Variants in NRG1 observed in about 807,000 individuals in gnomAD.
NRG1 encodes pro-neuregulin-1, membrane-bound isoform.
In NRG1, 18 loss-of-function variants were observed where a neutral mutation model predicts 63.8. The ratio of observed to expected loss-of-function variants is 0.28; its 90% CI spans 0.19 to 0.42. The LOEUF is 0.42. Ranked by LOEUF, NRG1 falls within the 10% of genes least tolerant of loss-of-function variation. The probability of loss-of-function intolerance (pLI) is 1.00; values close to 1 mark genes in which losing one functional copy is unlikely to be tolerated. For missense variants in NRG1, 762 were observed against 814.7 expected (o/e 0.94, Z 0.79); for synonymous variants, 302 against 301.3 (o/e 1.00, Z -0.02).
intron 1 of NRG1, among the ~76,000 whole-genome samples, chr8:31,952,111 A>C (rs1586021843): frequency 6.6e-6 from 1 of 152,184 alleles, no homozygotes; most frequent in Non-Finnish European, 1.5e-5. Context: ...TGGTCAGTGG[A>C]TTCTCAGGAG....
intron 1 of NRG1, among the ~76,000 whole-genome samples, chr8:32,418,625 G>T (rs558217312): frequency 6.6e-6 from 1 of 152,098 alleles, no homozygotes; most frequent in African/African-American, 2.4e-5. Context: ...GTATTAAAAT[G>T]ATAAGTCTAT....
chr8:31,681,118 G>A (rs1016750451), intron 1 of NRG1, among the ~76,000 whole-genome samples: 5 of 151,666 alleles, frequency 3.3e-5, no homozygotes, highest in Admixed American at 2.0e-4. Flanking sequence ...TAACTAAGTG[G>A]AGAAAAAAAA....
At chr8:32,385,235 C>T (rs2129483594) in intron 1 of NRG1, among the ~76,000 whole-genome samples, 1 of 152,096 alleles carries the variant, frequency 6.6e-6, no homozygotes, top group African/African-American at 2.4e-5. Flanking sequence ...ACCATGTTAG[C>T]CAGGATCGTC....
At chr8:32,331,067 A>G (rs2129477573) in intron 1 of NRG1, among the ~76,000 whole-genome samples, 1 of 152,150 alleles carries the variant, frequency 6.6e-6, no homozygotes, top group African/African-American at 2.4e-5. Flanking sequence ...ACCCTGTGAC[A>G]ATTCCTTTTG....
intron 1 of NRG1, among the ~76,000 whole-genome samples, chr8:31,864,632 A>G (rs1366881249): frequency 6.6e-6 from 1 of 152,162 alleles, no homozygotes; most frequent in Non-Finnish European, 1.5e-5. Context: ...GGCAGTACAA[A>G]ATAAGAATGA....
intron 1 of NRG1, among the ~76,000 whole-genome samples, chr8:31,770,748 C>G (rs1818537904): frequency 7.0e-6 from 1 of 142,802 alleles, no homozygotes; most frequent in Admixed American, 7.4e-5. Context: ...CACATGTACC[C>G]TAGAACTTAA....
intron 1 of NRG1, among the ~76,000 whole-genome samples, chr8:31,927,215 A>G (rs972379924): frequency 3.9e-5 from 6 of 152,050 alleles, no homozygotes; most frequent in Non-Finnish European, 8.8e-5. Flanking sequence ...GCTGAGATGA[A>G]TTCTGATCCC....
intron 1 of NRG1, among the ~76,000 whole-genome samples, chr8:32,449,678 C>T (rs984771359): frequency 6.6e-6 from 1 of 152,116 alleles, no homozygotes; most frequent in African/African-American, 2.4e-5. Flanking sequence ...AACATGAAAG[C>T]AGAGTGGAAA....
chr8:31,714,309 T>A (rs1002817443), intron 1 of NRG1, among the ~76,000 whole-genome samples: 1 of 152,184 alleles, frequency 6.6e-6, no homozygotes, highest in Non-Finnish European at 1.5e-5. Flanking sequence ...CATTTTGGGA[T>A]AATTTTATTT....
chr8:32,560,277 C>T (rs1836132579), intron 1 of NRG1, among the ~76,000 whole-genome samples: 1 of 151,522 alleles, frequency 6.6e-6, no homozygotes, highest in Non-Finnish European at 1.5e-5. Context: ...TTTATTTTGG[C>T]ACTCATGTAT....
At chr8:32,042,471 G>A (rs528704349) in intron 1 of NRG1, among the ~76,000 whole-genome samples, 109 of 151,832 alleles carry the variant, frequency 7.2e-4, no homozygotes, top group Middle Eastern at 6.8e-3. Flanking sequence ...ACAAGACTTA[G>A]AGTCTCATAA....
intron 1 of NRG1, among the ~76,000 whole-genome samples, chr8:32,464,994 G>A (rs1376914685): frequency 6.6e-6 from 1 of 152,112 alleles, no homozygotes; most frequent in Non-Finnish European, 1.5e-5. Flanking sequence ...GGCCCACATG[G>A]TGAAAACCCG....
intron 1 of NRG1, among the ~76,000 whole-genome samples, chr8:32,158,448 G>GAGATATATATATATATATATATAT (rs1554641400): frequency 4.8e-5 from 3 of 62,194 alleles, no homozygotes; most frequent in African/African-American, 8.1e-5. Flanking sequence ...TGGTTTACAT[G>GAGATATATATATATATATATATAT]ATATATATAT....
At chr8:31,794,876 C>A (rs990055371) in intron 1 of NRG1, among the ~76,000 whole-genome samples, 18 of 152,218 alleles carry the variant, frequency 1.2e-4, no homozygotes, top group Non-Finnish European at 1.5e-5. Context: ...AATCTCAGCT[C>A]CCTGCAACCT....
chr8:31,736,490 T>C (rs1814678258), intron 1 of NRG1, among the ~76,000 whole-genome samples: 1 of 152,134 alleles, frequency 6.6e-6, no homozygotes, highest in African/African-American at 2.4e-5. Flanking sequence ...ATGATTATAT[T>C]TGAATGAATA....
intron 1 of NRG1, among the ~76,000 whole-genome samples, chr8:32,096,280 C>T (rs1242975154): frequency 6.6e-6 from 1 of 152,106 alleles, no homozygotes; most frequent in Admixed American, 6.6e-5. Context: ...CCAGATGTGG[C>T]TATTTTAAAA....
intron 1 of NRG1, among the ~76,000 whole-genome samples, chr8:31,995,270 T>C (rs539483221): frequency 5.1e-4 from 77 of 152,134 alleles, no homozygotes; most frequent in African/African-American, 1.7e-3. Flanking sequence ...ATGTATATAC[T>C]GTGATTTATA....
chr8:31,754,173 T>C (rs534118580), intron 1 of NRG1, among the ~76,000 whole-genome samples: 33 of 152,212 alleles, frequency 2.2e-4, no homozygotes, highest in Non-Finnish European at 3.1e-4. Flanking sequence ...GATGAAATCT[T>C]GTGGGATTCC....
At chr8:31,716,253 G>C (rs577383661) in intron 1 of NRG1, among the ~76,000 whole-genome samples, 1 of 152,096 alleles carries the variant, frequency 6.6e-6, no homozygotes, top group Non-Finnish European at 1.5e-5. Context: ...ATTATTGTTT[G>C]TTTTTTGTAT....
Sources: gnomAD v4.1 joint callset for allele counts (sites outside exome capture counted in the v4.1 genomes callset) on GRCh38, gnomAD v4.1.1 for gene constraint, MANE v1.5 for transcripts, NCBI Gene and HGNC (gene_info 2026-07-23, HGNC 2026-07-21) for gene names.